CRTAP: variants seen among roughly 807,000 people sequenced by gnomAD.
CRTAP encodes cartilage-associated protein.
Under a neutral mutation model 42.7 loss-of-function variants are expected in CRTAP, and 33 were observed. That is an observed-to-expected ratio of 0.77 (90% CI 0.59 to 1.03). The LOEUF is 1.03. Among genes scored for constraint, CRTAP ranks in the 50% least tolerant of loss-of-function variants. The pLI, the probability that CRTAP is intolerant of heterozygous loss-of-function variation, is 0.00. For missense variants in CRTAP, 613 were observed against 533.9 expected (o/e 1.15, Z -1.46); for synonymous variants, 243 against 217.7 (o/e 1.12, Z -1.02).
chr3:33,115,836 G>C (rs1291453199), intron 1 of CRTAP, among the ~76,000 whole-genome samples: 1 of 151,082 alleles, frequency 6.6e-6, no homozygotes, highest in East Asian at 2.0e-4. Context: ...ACCCCAAAGA[G>C]GGGAAAAGCT....
intron 1 of CRTAP, among the ~76,000 whole-genome samples, chr3:33,117,861 C>T (rs181184140): frequency 1.3e-5 from 2 of 152,330 alleles, no homozygotes; most frequent in East Asian, 3.9e-4. Flanking sequence ...TAAATAAAAT[C>T]ACTCTTTTCT....
Position 33,146,658 on chromosome 3 carries a change from T to C in CRTAP, c.*4210T>C, listed in dbSNP as rs1338305044. On this transcript the variant is annotated 3_prime_UTR_variant, in exon 7 of 7. Coordinates refer to ENST00000320954, the MANE Select transcript of CRTAP (RefSeq NM_006371.5). ...CACTGCGAGCACTGACCACAAGGGCTGCCTTAGGAAGGAAATGTGTGCTTT... is the reference window on the plus strand; with the variant it reads ...CACTGCGAGCACTGACCACAAGGGCCGCCTTAGGAAGGAAATGTGTGCTTT... 1 of 152,236 alleles carries C rather than the reference T, an allele frequency of 6.6e-6. No individual in the cohort carries two copies. Among genetic ancestry groups the C allele is most frequent in the Non-Finnish European group, 1.5e-5 (1 of 68,044 alleles). 9.4% of individuals were successfully genotyped at this position (152,236 alleles called of 1,614,324 possible).
chr3:33,124,332 G>A, intron 2 of CRTAP, 76 bp from the exon 3 acceptor site: 2 of 1,578,138 alleles, frequency 1.3e-6, no homozygotes, highest in Non-Finnish European at 1.7e-6. Flanking sequence ...TGGTGGTCTT[G>A]GTTCCCTTTG....
chr3:33,114,316 G>A lies in CRTAP; in HGVS notation c.239G>A (p.Ser80Asn), dbSNP rs754916341. ...SLRLHRLLRD[S>N]EAFCHRNCSA... The stretch of plus-strand genomic sequence containing the variant: ...CGGCTGCACCGCTTGCTGCGCGACA[G>A]CGAGGCCTTCTGCCACCGCAACTGC... Residue 80 changes from serine to asparagine, a missense_variant, in exon 1 of 7, where the codon AGC (serine) becomes AAC (asparagine). Coordinates refer to ENST00000320954, the MANE Select transcript of CRTAP (RefSeq NM_006371.5). 1.4e-5 allele frequency: 22 copies of A among 1,548,262 alleles called. No individual in the cohort carries two copies. Among genetic ancestry groups the A allele is most frequent in the Non-Finnish European group, 1.9e-5 (22 of 1,155,330 alleles).
chr3:33,129,577 G>T (rs1399071897), intron 3 of CRTAP, among the ~76,000 whole-genome samples: 1 of 113,430 alleles, frequency 8.8e-6, no homozygotes, highest in Admixed American at 1.3e-4. Context: ...TTGCTCTGTT[G>T]CCCAGGCTGG....
chr3:33,117,452 T>C (rs1249148672), intron 1 of CRTAP, among the ~76,000 whole-genome samples: 1 of 152,204 alleles, frequency 6.6e-6, no homozygotes, highest in African/African-American at 2.4e-5. Flanking sequence ...ACCAGCCTAC[T>C]CTAGGTCCAT....
At position 33,124,565 on chromosome 3, in the gene CRTAP, A is replaced by G. The variant is rs768346059; in HGVS notation, c.779A>G (p.Tyr260Cys). The change falls in exon 3 of 7, where the codon TAC (tyrosine) becomes TGC (cysteine). Residue 260 changes from tyrosine to cysteine, a missense_variant. Transcript: ENST00000320954. ...SREIKDFKDF[Y>C]LSIADHYVEV... ...GAGATCAAGGACTTCAAGGATTTCT[A>G]CCTTTCCATAGCAGGTTGGTGGTAG... 12 of 1,614,158 alleles carry G rather than the reference A, an allele frequency of 7.4e-6. No individual in the cohort carries two copies. The highest frequency in any genetic ancestry group is 1.3e-5 in the African/African-American group (1 of 75,036).
intron 3 of CRTAP, among the ~76,000 whole-genome samples, chr3:33,125,009 A>G (rs897231271): frequency 9.9e-5 from 15 of 152,242 alleles, no homozygotes; most frequent in Non-Finnish European, 1.2e-4. Context: ...TCTGATTATA[A>G]AACAATGTGT....
intron 1 of CRTAP, among the ~76,000 whole-genome samples, chr3:33,118,454 A>G (rs952667386): frequency 1.3e-5 from 2 of 152,186 alleles, no homozygotes; most frequent in Non-Finnish European, 2.9e-5. Flanking sequence ...TGGCATTCCC[A>G]AAACATCAGC....
At chr3:33,124,354 C>T in intron 2 of CRTAP, 54 bp from the exon 3 acceptor site, 1 of 1,608,376 alleles carries the variant, frequency 6.2e-7, no homozygotes, top group Non-Finnish European at 8.5e-7. Context: ...GATTTCATGA[C>T]TGTCTCCCTT....
chr3:33,120,371 G>A lies in CRTAP; in HGVS notation c.499G>A (p.Ala167Thr), dbSNP rs754568024. Residue 167 changes from alanine to threonine, a missense_variant, in exon 2 of 7, where the codon GCT (alanine) becomes ACT (threonine). By Grantham distance (58) the Ala-to-Thr change is moderately conservative. Coordinates refer to ENST00000320954, the MANE Select transcript of CRTAP (RefSeq NM_006371.5). ...AAATAATCTCCCCAAAGCCATCGCC[G>A]CTGCTCACACCTTTCTACTGAAGCA... The part of the protein sequence containing the change: ...KANNLPKAIA[A>T]AHTFLLKHPD... 25 of 1,613,996 alleles carry A rather than the reference G, an allele frequency of 1.5e-5. No individual in the cohort carries two copies. The highest frequency in any genetic ancestry group is 1.0e-4 in the Admixed American group (6 of 59,992).
intron 6 of CRTAP, among the ~76,000 whole-genome samples, chr3:33,137,757 T>C (rs1166430456): frequency 6.6e-6 from 1 of 152,236 alleles, no homozygotes; most frequent in Admixed American, 6.5e-5. Flanking sequence ...GTGTCATATC[T>C]AAGAAACCAT....
chr3:33,119,621 T>C lies in CRTAP; in HGVS notation c.472-723T>C, dbSNP rs142914167. Reference sequence around the variant, plus strand: ...GAGGAGGTGGTGGAGTCATTGAGAATGTTAGCAGAAGGTCTGTGGGGGATT... The same window carrying C: ...GAGGAGGTGGTGGAGTCATTGAGAACGTTAGCAGAAGGTCTGTGGGGGATT... On this transcript the variant is annotated intron_variant, in intron 1 of 6. Coordinates refer to ENST00000320954, the MANE Select transcript of CRTAP (RefSeq NM_006371.5). Among the ~76,000 whole-genome samples, 385 of 152,296 alleles carry C rather than the reference T, an allele frequency of 2.5e-3. 2 individuals carry two copies. The highest frequency in any genetic ancestry group is 8.5e-3 in the African/African-American group (354 of 41,558).
Position 33,144,164 on chromosome 3 carries a change from G to C in CRTAP, c.*1716G>C, listed in dbSNP as rs968742361. 6.6e-6 allele frequency: 1 copy of C among 152,244 alleles called. No individual in the cohort carries two copies. The allele number at this position is 152,244 out of a possible 1,614,324, so 9.4% of individuals were successfully genotyped here. On this transcript the variant is annotated 3_prime_UTR_variant, in exon 7 of 7. Transcript: ENST00000320954. The stretch of plus-strand genomic sequence containing the variant: ...CAAATATCTAGATTTATTTTGAAAA[G>C]AGCCAATAGGATTTGCTGAGAGTTT...
chr3:33,143,853 G>C lies in CRTAP; in HGVS notation c.*1405G>C, dbSNP rs2030648191. The C allele has an allele frequency of 6.6e-6, 1 of 152,334 alleles. No homozygotes were observed. The highest frequency in any genetic ancestry group is 2.4e-5 in the African/African-American group (1 of 41,428). The allele number at this position is 152,334 out of a possible 1,614,324, so 9.4% of individuals were successfully genotyped here. ...GTGAGAACTTGCTCTACGTGGTCAGGAAAGAGCAGGGAGACCAAGCAGAGT... is the reference window on the plus strand; with the variant it reads ...GTGAGAACTTGCTCTACGTGGTCAGCAAAGAGCAGGGAGACCAAGCAGAGT... On this transcript the variant is annotated 3_prime_UTR_variant, in exon 7 of 7. Transcript: ENST00000320954.
chr3:33,145,973 T>C lies in CRTAP; in HGVS notation c.*3525T>C, dbSNP rs1446078613. On this transcript the variant is annotated 3_prime_UTR_variant, in exon 7 of 7. Transcript: ENST00000320954. This position sits in a 1 kb window ranked among gnomAD's most constrained non-coding sequence, Gnocchi z 4.3. The stretch of plus-strand genomic sequence containing the variant: ...CAATATTGTCAGTACTTTGCTTTGA[T>C]TGAAGGCTGTAGAGCTGAGTTACCA... 2 of 152,010 alleles carry C rather than the reference T, an allele frequency of 1.3e-5. No homozygotes were observed. The highest frequency in any genetic ancestry group is 2.9e-5 in the Non-Finnish European group (2 of 68,018). 9.4% of individuals were successfully genotyped at this position (152,010 alleles called of 1,614,324 possible).
At chr3:33,121,496 A>G (rs965195514) in intron 2 of CRTAP, among the ~76,000 whole-genome samples, 1 of 134,374 alleles carries the variant, frequency 7.4e-6, no homozygotes, top group Admixed American at 6.9e-5. Context: ...GGTTTTCTGT[A>G]GAGTGATCAG....
At position 33,132,446 on chromosome 3, in the gene CRTAP, A is replaced by T. The variant is rs1014014662; in HGVS notation, c.923-109A>T. On this transcript the variant is annotated intron_variant, in intron 4 of 6. Transcript: ENST00000320954. Reference sequence around the variant, plus strand: ...CCAGTCGGCCCCAGGCTCTCTGAAGAAGGACTGTGGAGAAGGGGCTTGTTC... The same window carrying T: ...CCAGTCGGCCCCAGGCTCTCTGAAGTAGGACTGTGGAGAAGGGGCTTGTTC... 4 of 1,498,038 alleles carry T rather than the reference A, an allele frequency of 2.7e-6. No homozygotes were observed. The South Asian group carries it at 4.5e-5, about 17-fold the overall frequency. 92.8% of individuals were successfully genotyped at this position (1,498,038 alleles called of 1,614,324 possible).
intron 1 of CRTAP, among the ~76,000 whole-genome samples, chr3:33,119,176 G>A (rs1701383394): frequency 6.6e-6 from 1 of 152,192 alleles, no homozygotes; most frequent in African/African-American, 2.4e-5. Flanking sequence ...AGAAGACAGA[G>A]GGGAAAAGAG....
Sources: gnomAD v4.1 joint callset for allele counts (sites outside exome capture counted in the v4.1 genomes callset) on GRCh38, gnomAD v4.1.1 for gene constraint, Gnocchi (gnomAD v3.1) non-coding constraint, MANE v1.5 for transcripts, NCBI Gene and HGNC (gene_info 2026-07-23, HGNC 2026-07-21) for gene names.